Variants in ADCY9 observed in about 807,000 individuals in gnomAD.
ADCY9 encodes the protein adenylate cyclase type 9.
ADCY9 carries 50 observed loss-of-function variants against 101.5 expected under a neutral mutation model. That is an observed-to-expected ratio of 0.49 (90% confidence interval 0.39 to 0.62). The LOEUF is 0.62. Ranked by LOEUF, ADCY9 falls within the 20% of genes least tolerant of loss-of-function variation. ADCY9 has a pLI of 0.00. For missense variants in ADCY9, 1,662 were observed against 1,800.4 expected, an observed-to-expected ratio of 0.92 and a Z score of 1.39; for synonymous variants, 905 against 769.3, an observed-to-expected ratio of 1.18 and a Z score of -2.92.
rs200075573 is a variant in ADCY9, at chr16:3,983,285, C to T, written c.2466G>A (p.Ala822=). The T allele has an allele frequency of 4.7e-5, 73 of 1,557,242 alleles. No individual in the cohort carries two copies. The highest frequency in any genetic ancestry group is 9.7e-5 in the Admixed American group (5 of 51,426). Reference sequence around the variant, plus strand: ...CCAGCAGCAGGGCTGCACTGAAGACCGCCAGGGCGGCGGGCGGGGGAGGCA... The same window carrying T: ...CCAGCAGCAGGGCTGCACTGAAGACTGCCAGGGCGGCGGGCGGGGGAGGCA... ...ATVPPPPAAL[A]VFSAALLLEV... Residue 822 remains alanine, a synonymous_variant, in exon 7 of 11, where the codon GCG becomes GCA. Coordinates refer to ENST00000294016, the MANE Select transcript of ADCY9 (RefSeq NM_001116.4).
intron 2 of ADCY9, among the ~76,000 whole-genome samples, chr16:4,072,281 A>G (rs2141170478): frequency 6.6e-6 from 1 of 152,342 alleles, no homozygotes; most frequent in Middle Eastern, 3.4e-3. Flanking sequence ...AAGTAGCTCC[A>G]TCGTGGATGC....
At chr16:4,074,833 G>C (rs1163930954) in intron 2 of ADCY9, among the ~76,000 whole-genome samples, 1 of 152,022 alleles carries the variant, frequency 6.6e-6, no homozygotes, top group Non-Finnish European at 1.5e-5. Context: ...AATTCAAAAG[G>C]TTGTTCTGAA....
Position 3,992,361 on chromosome 16 carries a change from A to G in ADCY9, c.1992T>C (p.Ala664=). 1 of 1,613,864 alleles carries G rather than the reference A, an allele frequency of 6.2e-7. No individual in the cohort carries two copies. ...GAGTTTTGGGATTAGGTCCTCCAGA[A>G]GCCTGCCTCGAGACAAAGAGGACGC... ...CQDEHKNSTK[A]SGGPNPKTQN... The change falls in exon 5 of 11, where the codon GCT becomes GCC. Residue 664 remains alanine, a splice_region_variant and synonymous_variant. Transcript: ENST00000294016. This position sits in a 1 kb window ranked among gnomAD's most constrained non-coding sequence, Gnocchi z 4.2.
intron 2 of ADCY9, among the ~76,000 whole-genome samples, chr16:4,106,366 C>T (rs2057076915): frequency 6.6e-6 from 1 of 151,630 alleles, no homozygotes; most frequent in South Asian, 2.1e-4. Flanking sequence ...GGCCCCACAT[C>T]CACCCTCTGA....
chr16:3,953,745 T>C (rs1373935953), intron 5 of ADCY9, among the ~76,000 whole-genome samples: 2 of 152,218 alleles, frequency 1.3e-5, no homozygotes, highest in Non-Finnish European at 2.9e-5. Flanking sequence ...ACGCCGGTTT[T>C]GGGATACGAC....
chr16:4,067,477 G>T (rs113764993), intron 2 of ADCY9, among the ~76,000 whole-genome samples: 1 of 152,100 alleles, frequency 6.6e-6, no homozygotes, highest in Non-Finnish European at 1.5e-5. Context: ...AGACCAAGAT[G>T]GGTCTGGGTC....
intron 2 of ADCY9, among the ~76,000 whole-genome samples, chr16:4,110,376 C>CTG (rs2057106150): frequency 9.0e-6 from 1 of 110,772 alleles, no homozygotes. Context: ...CTTATACCTA[C>CTG]TTTTTTTTTT....
In ADCY9 at chr16:3,963,467, G is replaced by A; in HGVS notation, c.*2308C>T. The A allele has an allele frequency of 7.6e-6, 3 of 395,716 alleles. No homozygotes were observed. The highest frequency in any genetic ancestry group is 8.8e-5 in the Admixed American group (2 of 22,610). The allele number at this position is 395,716 out of a possible 1,614,324, so 24.5% of individuals were successfully genotyped here. A position where few individuals can be genotyped will look rare whatever the true frequency, so the allele number is the denominator to read the frequency against. ...AGGGGCTTCGTGGCCCAGAGAGAAC[G>A]TCTGCACTGGCTGTTTAGGAAGGCT... On this transcript the variant is annotated 3_prime_UTR_variant, in exon 11 of 11. Transcript: ENST00000294016.
intron 2 of ADCY9, among the ~76,000 whole-genome samples, chr16:4,033,347 T>G (rs1286944501): frequency 6.6e-6 from 1 of 151,882 alleles, no homozygotes; most frequent in African/African-American, 2.4e-5. Context: ...CAGAACTAAA[T>G]ATGCAAGATT....
At chr16:4,020,483 G>A (rs972317827) in intron 2 of ADCY9, among the ~76,000 whole-genome samples, 2 of 152,210 alleles carry the variant, frequency 1.3e-5, no homozygotes, top group South Asian at 2.1e-4. Context: ...ACGCAAATAC[G>A]AGAGGGAGAG....
At chr16:3,980,241 G>A (rs2056129434) in intron 7 of ADCY9, among the ~76,000 whole-genome samples, 1 of 151,956 alleles carries the variant, frequency 6.6e-6, no homozygotes, top group Non-Finnish European at 1.5e-5. Flanking sequence ...TTGCAGGCGT[G>A]TGTCTAGCGG....
rs904144358 is a variant in ADCY9 at position 3,963,962 on chromosome 16, C to G, written c.*1813G>C. 2 of 152,638 alleles carry G rather than the reference C, an allele frequency of 1.3e-5. No homozygotes were observed. The highest frequency in any genetic ancestry group is 3.8e-4 in the East Asian group (2 of 5,200). The allele number at this position is 152,638 out of a possible 1,614,324, so 9.5% of individuals were successfully genotyped here. Reference sequence around the variant, plus strand: ...CTGACAGTCACACCTGACAGGAAACCTTACAGCTAATGGGGGGAGGTGCCC... The same window carrying G: ...CTGACAGTCACACCTGACAGGAAACGTTACAGCTAATGGGGGGAGGTGCCC... On this transcript the variant is annotated 3_prime_UTR_variant, in exon 11 of 11. Transcript: ENST00000294016.
Position 4,115,851 on chromosome 16 carries a change from G to C in ADCY9, c.-205C>G. 1 of 399,190 alleles carries C rather than the reference G, an allele frequency of 2.5e-6. No individual in the cohort carries two copies. Among genetic ancestry groups the C allele is most frequent in the Non-Finnish European group, 4.4e-6 (1 of 226,666 alleles). 24.7% of individuals were successfully genotyped at this position (399,190 alleles called of 1,614,324 possible). On this transcript the variant is annotated 5_prime_UTR_variant, in exon 1 of 11. Coordinates refer to ENST00000294016, the MANE Select transcript of ADCY9 (RefSeq NM_001116.4). The surrounding 1 kb of genome is among the most constrained non-coding windows in gnomAD (Gnocchi z 6.2). The stretch of plus-strand genomic sequence containing the variant: ...AGCTGCGGCTCCGGAGGGAAGTTCA[G>C]ACCTTGAGCGCTCCCAGCCCCGCGA...
chr16:4,040,005 C>A (rs1242716351), intron 2 of ADCY9, among the ~76,000 whole-genome samples: 1 of 152,130 alleles, frequency 6.6e-6, no homozygotes, highest in African/African-American at 2.4e-5. Flanking sequence ...CACCACTGCA[C>A]TCCAGGCTGG....
intron 2 of ADCY9, among the ~76,000 whole-genome samples, chr16:4,079,857 G>GT (rs1190288698): frequency 6.6e-6 from 1 of 151,770 alleles, no homozygotes; most frequent in African/African-American, 2.4e-5. Context: ...GTTGGTAAAT[G>GT]TTTTTTTAAT....
chr16:4,042,702 A>C (rs1041767206), intron 2 of ADCY9, among the ~76,000 whole-genome samples: 2 of 152,254 alleles, frequency 1.3e-5, no homozygotes, highest in African/African-American at 4.8e-5. Context: ...AAAATCCTGC[A>C]AAACGGAGCT....
intron 2 of ADCY9, among the ~76,000 whole-genome samples, chr16:4,023,036 C>T (rs1027169399): frequency 3.5e-4 from 53 of 152,186 alleles, no homozygotes; most frequent in Admixed American, 2.2e-3. Context: ...ATCTCTACAA[C>T]GGTGGTCCAT....
At chr16:3,973,704 G>A (rs1383870006) in intron 10 of ADCY9, among the ~76,000 whole-genome samples, 1 of 152,100 alleles carries the variant, frequency 6.6e-6, no homozygotes, top group Middle Eastern at 3.4e-3. Flanking sequence ...TGTTGCCCAG[G>A]CTGGTCTAGA....
chr16:4,114,657 A>G lies in ADCY9; in HGVS notation c.786T>C (p.His262=). ...AGGGGAAGCAGGCTTCATCCCGGAA[A>G]TGGTAGCCAAAGGTCTCGAAAAGGA... ...YSVLFETFGY[H]FRDEACFPSP... is the part of the protein sequence containing the mutation. The change falls in exon 2 of 11, where the codon CAT becomes CAC. Residue 262 remains histidine, a synonymous_variant. Coordinates refer to ENST00000294016, the MANE Select transcript of ADCY9 (RefSeq NM_001116.4). The surrounding 1 kb of genome is among the most constrained non-coding windows in gnomAD (Gnocchi z 4.3). 6.2e-7 allele frequency: 1 copy of G among 1,613,406 alleles called. No individual in the cohort carries two copies. The highest frequency in any genetic ancestry group is 8.5e-7 in the Non-Finnish European group (1 of 1,180,046).
Sources: gnomAD v4.1 joint callset for allele counts (sites outside exome capture counted in the v4.1 genomes callset) on GRCh38, gnomAD v4.1.1 for gene constraint, Gnocchi (gnomAD v3.1) non-coding constraint, MANE v1.5 for transcripts, NCBI Gene and HGNC (gene_info 2026-07-23, HGNC 2026-07-21) for gene names.